CCDC171: variants seen among roughly 807,000 people sequenced by gnomAD.
CCDC171 encodes coiled-coil domain containing 171.
A neutral mutation model predicts 168.2 loss-of-function variants in CCDC171; 177 were observed. That is an observed-to-expected ratio of 1.05 (90% confidence interval 0.93 to 1.19). CCDC171 has a LOEUF of 1.19. CCDC171 is among the 50% of genes most tolerant of loss of function. The pLI is 0.00. For missense variants in CCDC171, 1,991 were observed against 1,539.0 expected (o/e 1.29, Z -4.91); for synonymous variants, 687 against 540.8 (o/e 1.27, Z -3.75).
chr9:16,084,023 G>C, the CCDC171 span, among the ~76,000 whole-genome samples: 3 of 152,178 alleles, frequency 2.0e-5, no homozygotes, highest in African/African-American at 7.2e-5. Flanking sequence ...TTTTCTACTT[G>C]AGTTACTCTG....
chr9:15,568,715 A>C (rs977106891), intron 2 of CCDC171, among the ~76,000 whole-genome samples: 3 of 151,616 alleles, frequency 2.0e-5, no homozygotes, highest in Admixed American at 6.6e-5. Flanking sequence ...TCTCTTGAAA[A>C]TTGTCTTTTT....
At chr9:15,657,397 G>C in intron 8 of CCDC171, 178 bp downstream of exon 8, 1 of 446,340 alleles carries the variant, frequency 2.2e-6, no homozygotes, top group South Asian at 2.8e-5. Context: ...CCTTAGTGGA[G>C]GAGTTGGCAC....
At chr9:16,006,633 C>T (rs1474116158) in intron 3 of CCDC171, among the ~76,000 whole-genome samples, 1 of 151,330 alleles carries the variant, frequency 6.6e-6, no homozygotes, top group Non-Finnish European at 1.5e-5. Flanking sequence ...TTCCTGTGTC[C>T]ATGTGTTCTC....
intron 8 of CCDC171, among the ~76,000 whole-genome samples, chr9:15,658,525 A>G (rs12684096): frequency 6.6e-6 from 1 of 152,168 alleles, no homozygotes; most frequent in African/African-American, 2.4e-5. Flanking sequence ...GTTACCTTAC[A>G]TGGCAAATGG....
At chr9:15,727,390 T>C (rs2053875364) in intron 14 of CCDC171, among the ~76,000 whole-genome samples, 1 of 152,214 alleles carries the variant, frequency 6.6e-6, no homozygotes. Flanking sequence ...GATATTGGTA[T>C]AACTTTTTTT....
At chr9:15,672,967 T>C (rs1333965259) in intron 9 of CCDC171, among the ~76,000 whole-genome samples, 3 of 152,232 alleles carry the variant, frequency 2.0e-5, no homozygotes, top group Admixed American at 6.5e-5. Context: ...TTTCATGATA[T>C]TGATTCTTCC....
intron 7 of CCDC171, among the ~76,000 whole-genome samples, chr9:15,652,721 G>A (rs995199425): frequency 6.6e-6 from 1 of 152,188 alleles, no homozygotes; most frequent in Non-Finnish European, 1.5e-5. Context: ...GATTACAGGC[G>A]TGAGCCACCA....
intron 18 of CCDC171, among the ~76,000 whole-genome samples, chr9:15,764,263 G>A (rs2056605357): frequency 1.3e-5 from 2 of 152,162 alleles, no homozygotes; most frequent in Admixed American, 1.3e-4. Context: ...GGATACCATC[G>A]GAAAGTTTTG....
chr9:16,009,173 G>A (rs1490059384), intron 3 of CCDC171, among the ~76,000 whole-genome samples: 1 of 152,082 alleles, frequency 6.6e-6, no homozygotes, highest in Non-Finnish European at 1.5e-5. Context: ...AATGGAATGG[G>A]TTTTACTTTG....
At chr9:15,766,536 A>T (rs2056732847) in intron 18 of CCDC171, among the ~76,000 whole-genome samples, 1 of 152,094 alleles carries the variant, frequency 6.6e-6, no homozygotes, top group South Asian at 2.1e-4. Flanking sequence ...GGAGAAAACA[A>T]ATAAGGCAGA....
chr9:15,929,186 G>A (rs542727100), intron 25 of CCDC171, among the ~76,000 whole-genome samples: 3 of 151,662 alleles, frequency 2.0e-5, no homozygotes, highest in Non-Finnish European at 4.4e-5. Context: ...AAATTTCAAA[G>A]TGATCAGTAT....
chr9:15,604,420 G>A (rs551590097), intron 6 of CCDC171, among the ~76,000 whole-genome samples: 23 of 152,214 alleles, frequency 1.5e-4, no homozygotes, highest in African/African-American at 5.3e-4. Flanking sequence ...TTAATTTCAC[G>A]TATACTTTAT....
chr9:16,044,412 C>T (rs888263322), intron 1 of CCDC171, among the ~76,000 whole-genome samples: 2 of 151,774 alleles, frequency 1.3e-5, no homozygotes, highest in African/African-American at 2.4e-5. Flanking sequence ...CTTTTTACAT[C>T]CATTGCTCAT....
At chr9:15,590,647 T>G (rs1191459298) in intron 4 of CCDC171, among the ~76,000 whole-genome samples, 1 of 152,244 alleles carries the variant, frequency 6.6e-6, no homozygotes, top group East Asian at 1.9e-4. Flanking sequence ...GACCCTTGTG[T>G]AAGATGTGTT....
chr9:15,623,155 C>A, intron 6 of CCDC171, 112 bp from the exon 7 acceptor site: 1 of 645,846 alleles, frequency 1.5e-6, no homozygotes, highest in Non-Finnish European at 2.4e-6. Context: ...ATAAATTAAC[C>A]TATTATTATA....
intron 13 of CCDC171, 87 bp from the exon 14 acceptor site, chr9:15,724,689 A>T: frequency 2.6e-6 from 2 of 766,086 alleles, no homozygotes; most frequent in Non-Finnish European, 2.2e-6. Flanking sequence ...AAGCTTTGAA[A>T]ATGTTCAATA....
intron 25 of CCDC171, among the ~76,000 whole-genome samples, chr9:15,959,035 A>C (rs538192827): frequency 2.6e-5 from 4 of 152,270 alleles, no homozygotes; most frequent in African/African-American, 9.6e-5. Context: ...TATGAGGATC[A>C]GGGTTGAAGT....
chr9:15,740,666 C>G, intron 16 of CCDC171, among the ~76,000 whole-genome samples: 1 of 152,026 alleles, frequency 6.6e-6, no homozygotes. Flanking sequence ...TCTAGAACTC[C>G]TGATCTCAGG....
chr9:15,794,660 T>C (rs2058460239), intron 21 of CCDC171, among the ~76,000 whole-genome samples: 1 of 152,182 alleles, frequency 6.6e-6, no homozygotes, highest in South Asian at 2.1e-4. Context: ...TTTAGATTTT[T>C]AAGGGATTAT....
Sources: allele counts gnomAD v4.1 joint callset (sites outside exome capture counted in the v4.1 genomes callset), GRCh38; gene constraint gnomAD v4.1.1; transcripts MANE v1.5; gene names NCBI Gene and HGNC (gene_info 2026-07-23, HGNC 2026-07-21).